KCND3: variants seen among roughly 807,000 people sequenced by gnomAD.
KCND3 encodes A-type voltage-gated potassium channel KCND3.
Under a neutral mutation model 51.1 loss-of-function variants are expected in KCND3, and 9 were observed. The observed-to-expected ratio is 0.18, with a 90% CI of 0.11 to 0.31. The LOEUF (loss-of-function observed/expected upper bound fraction) is 0.31, where lower values mean the gene tolerates loss of function less well. KCND3 is among the 10% of genes least tolerant of loss of function. The pLI, the probability that KCND3 is intolerant of heterozygous loss-of-function variation, is 1.00. For missense variants in KCND3, 526 were observed against 903.8 expected (o/e 0.58, Z 5.36); for synonymous variants, 349 against 368.0 (o/e 0.95, Z 0.59).
chr1:111,926,430 TC>T (rs1171972386), intron 2 of KCND3, among the ~76,000 whole-genome samples: 1 of 152,222 alleles, frequency 6.6e-6, no homozygotes, highest in Non-Finnish European at 1.5e-5. Context: ...GCATCCAAGG[TC>T]ACCCAGATGG....
At chr1:111,855,877 G>A (rs1173583987) in intron 2 of KCND3, among the ~76,000 whole-genome samples, 1 of 152,186 alleles carries the variant, frequency 6.6e-6, no homozygotes, top group Non-Finnish European at 1.5e-5. Flanking sequence ...GGGAGGGAGT[G>A]GGACCAAAGC....
intron 2 of KCND3, among the ~76,000 whole-genome samples, chr1:111,974,161 G>A (rs1008818551): frequency 2.0e-5 from 3 of 152,180 alleles, no homozygotes; most frequent in African/African-American, 7.2e-5. Context: ...AAAGATGCCT[G>A]TGTTCTGGCC....
intron 2 of KCND3, among the ~76,000 whole-genome samples, chr1:111,881,802 C>T (rs1007942312): frequency 5.9e-5 from 9 of 152,226 alleles, no homozygotes; most frequent in Non-Finnish European, 7.3e-5. Context: ...TAGTACCCCA[C>T]AACTGTACAT....
chr1:111,938,906 G>A (rs1672349276), intron 2 of KCND3, among the ~76,000 whole-genome samples: 1 of 152,194 alleles, frequency 6.6e-6, no homozygotes, highest in Non-Finnish European at 1.5e-5. Flanking sequence ...CACAAAGGAA[G>A]GAAGGGCTAA....
intron 2 of KCND3, among the ~76,000 whole-genome samples, chr1:111,962,823 A>G (rs928986282): frequency 2.0e-5 from 3 of 151,808 alleles, no homozygotes; most frequent in African/African-American, 7.3e-5. Context: ...CTGTTTATCT[A>G]CTCTTTTAAT....
intron 2 of KCND3, among the ~76,000 whole-genome samples, chr1:111,888,679 C>G (rs1669678283): frequency 3.2e-5 from 1 of 30,798 alleles, no homozygotes; most frequent in Non-Finnish European, 6.5e-5. Context: ...GACACTCCAT[C>G]TCAAAAAAAA....
rs531511602 is a variant in KCND3, at chr1:111,974,126, A to C, written c.1106+7495T>G. ...ATACACCCATCATTTGCATTGAGCT[A>C]GTTGGAGGGAGGTAAGAGTGGGGAA... On this transcript the variant is annotated intron_variant, in intron 2 of 7. Coordinates refer to ENST00000302127, the MANE Select transcript of KCND3 (RefSeq NM_001378969.1). Among the ~76,000 whole-genome samples, 4 of 152,246 alleles carry C rather than the reference A, an allele frequency of 2.6e-5. No individual in the cohort carries two copies. The East Asian group carries it at 5.8e-4, about 22-fold the overall frequency.
At chr1:111,841,052 C>T (rs1000720705) in intron 2 of KCND3, among the ~76,000 whole-genome samples, 1 of 152,174 alleles carries the variant, frequency 6.6e-6, no homozygotes, top group Non-Finnish European at 1.5e-5. Context: ...GTCTGTTCCA[C>T]CTTTTAAGGG....
At chr1:111,892,272 C>T (rs904537493) in intron 2 of KCND3, among the ~76,000 whole-genome samples, 1 of 152,216 alleles carries the variant, frequency 6.6e-6, no homozygotes, top group Non-Finnish European at 1.5e-5. Flanking sequence ...TGCCTGGTCA[C>T]TCAGCCCCCT....
intron 1 of KCND3, among the ~76,000 whole-genome samples, chr1:111,987,287 T>A (rs1411986924): frequency 6.6e-6 from 1 of 152,126 alleles, no homozygotes; most frequent in Non-Finnish European, 1.5e-5. Flanking sequence ...AGATGAATAA[T>A]TGAGAGCTCA....
chr1:111,895,997 A>G (rs868841956), intron 2 of KCND3, among the ~76,000 whole-genome samples: 1 of 152,252 alleles, frequency 6.6e-6, no homozygotes, highest in Non-Finnish European at 1.5e-5. Context: ...CAGGACTAAG[A>G]TAAAAATAAT....
chr1:111,945,606 C>G (rs776420290), intron 2 of KCND3, among the ~76,000 whole-genome samples: 2 of 152,214 alleles, frequency 1.3e-5, no homozygotes, highest in Non-Finnish European at 2.9e-5. Flanking sequence ...ATGATCGATT[C>G]AGGCTTTGGC....
chr1:111,859,238 A>G (rs1299061396), intron 2 of KCND3, among the ~76,000 whole-genome samples: 4 of 150,884 alleles, frequency 2.7e-5, no homozygotes, highest in African/African-American at 9.7e-5. Flanking sequence ...GGGAGTTGCA[A>G]TGCTGACCCT....
intron 2 of KCND3, among the ~76,000 whole-genome samples, chr1:111,876,980 T>G (rs1231477131): frequency 6.6e-6 from 1 of 152,230 alleles, no homozygotes; most frequent in Non-Finnish European, 1.5e-5. Flanking sequence ...ATTGGGATCC[T>G]GCTCCAGAGC....
At chr1:111,928,367 A>G (rs1410808843) in intron 2 of KCND3, among the ~76,000 whole-genome samples, 1 of 152,132 alleles carries the variant, frequency 6.6e-6, no homozygotes, top group Admixed American at 6.5e-5. Flanking sequence ...ACCTGCTTTT[A>G]AAGATCTCCA....
chr1:111,945,680 A>C (rs1672745181), intron 2 of KCND3, among the ~76,000 whole-genome samples: 2 of 152,302 alleles, frequency 1.3e-5, no homozygotes, highest in South Asian at 4.1e-4. Flanking sequence ...CTCTTGCCTC[A>C]GCTTCTGTGC....
intron 2 of KCND3, among the ~76,000 whole-genome samples, chr1:111,793,349 G>A (rs980972520): frequency 6.6e-6 from 1 of 151,792 alleles, no homozygotes; most frequent in Non-Finnish European, 1.5e-5. Flanking sequence ...CTAATTTTTT[G>A]TATTTTTTTA....
chr1:111,805,557 T>G (rs1871216), intron 2 of KCND3, among the ~76,000 whole-genome samples: 10,514 of 152,302 alleles, frequency 0.069, 494 homozygotes, highest in East Asian at 0.15. Context: ...TTAGAAATGT[T>G]ATCAAGTCCA....
chr1:111,885,840 T>C (rs147787255), intron 2 of KCND3, among the ~76,000 whole-genome samples: 2,939 of 152,158 alleles, frequency 0.019, 92 homozygotes, highest in African/African-American at 0.066. Flanking sequence ...GCCCAGCTAA[T>C]TTTTATATTT....
Sources: gnomAD v4.1 joint callset for allele counts (sites outside exome capture counted in the v4.1 genomes callset) on GRCh38, gnomAD v4.1.1 for gene constraint, MANE v1.5 for transcripts, NCBI Gene and HGNC (gene_info 2026-07-23, HGNC 2026-07-21) for gene names.